The following TMC8 variants were observed in gnomAD, a reference collection of about 807,000 sequenced individuals.
TMC8 encodes transmembrane channel like 8.
A neutral mutation model predicts 76.0 loss-of-function variants in TMC8; 71 were observed. The observed-to-expected ratio is 0.93, with a 90% CI of 0.77 to 1.14. The LOEUF is 1.14. TMC8 is among the 50% of genes most tolerant of loss of function. The pLI, the probability that TMC8 is intolerant of heterozygous loss-of-function variation, is 0.00. For synonymous variants in TMC8, 433 were observed against 433.8 expected, an observed-to-expected ratio of 1.00 and a Z score of 0.02; for missense variants, 924 against 947.9, an observed-to-expected ratio of 0.97 and a Z score of 0.33.
rs117626020 is a variant in TMC8, at chr17:78,137,492, C to G, written c.1251+134C>G. On this transcript the variant is annotated intron_variant, in intron 10 of 15. Transcript: ENST00000318430. ...CTGTGAGCAGGGCTGCCTGCACCGC[C>G]GCACACCTCCAGGGGGCGCCACTGC... 0.038 allele frequency: 56,846 copies of G among 1,493,498 alleles called. 1,393 individuals carry two copies. Among genetic ancestry groups the G allele is most frequent in the South Asian group, 0.086 (7,576 of 87,898 alleles). The allele number at this position is 1,493,498 out of a possible 1,614,324, so 92.5% of individuals were successfully genotyped here.
Position 78,133,899 on chromosome 17 carries a change from C to T in TMC8, c.715C>T (p.Gln239Ter). Reference protein sequence around the residue: ...PQKTLLGQGYQAPLSAKVFSS... With the variant: ...PQKTLLGQGY The stretch of plus-strand genomic sequence containing the variant: ...GAAGACTCTGCTGGGTCAGGGCTAT[C>T]AGGCGCCTCTCAGCGCCAAGGTCTT... Residue 239 changes from glutamine to a stop codon, truncating the protein, a stop_gained, in exon 7 of 16, where the codon CAG becomes TAG. Coordinates refer to ENST00000318430, the MANE Select transcript of TMC8 (RefSeq NM_152468.5). LOFTEE classifies it high-confidence loss of function. The T allele has an allele frequency of 6.2e-7, 1 of 1,613,500 alleles. No individual in the cohort carries two copies. The highest frequency in any genetic ancestry group is 8.5e-7 in the Non-Finnish European group (1 of 1,180,034).
Position 78,137,233 on chromosome 17 carries a change from AGGTGCGT to A in TMC8, c.1132_1138del (p.Val378Ter), listed in dbSNP as rs1304302197. 1.2e-6 allele frequency: 2 copies of A among 1,613,288 alleles called. No individual in the cohort carries two copies. The highest frequency in any genetic ancestry group is 1.7e-6 in the Non-Finnish European group (2 of 1,179,758). On this transcript the variant is annotated splice_acceptor_variant and coding_sequence_variant, in exon 10 of 16. Coordinates refer to ENST00000318430, the MANE Select transcript of TMC8 (RefSeq NM_152468.5). LOFTEE classifies it high-confidence loss of function. ...TCCACCTGACAAGGTCCCTGCCCCC[AGGTGCGT>A]GGTGCTGAAGCTGGCCAGCTTGGGG...
intron 3 of TMC8, 21 bp from the exon 4 acceptor site, chr17:78,132,338 C>CA: frequency 6.2e-7 from 1 of 1,612,286 alleles, no homozygotes; most frequent in South Asian, 1.1e-5. Flanking sequence ...CTCCCTGACC[C>CA]ACCCTGCTCT....
In TMC8 at chr17:78,141,070, C is replaced by T; in HGVS notation, c.2139C>T (p.Ala713=). 1 of 1,590,214 alleles carries T rather than the reference C, an allele frequency of 6.3e-7. No individual in the cohort carries two copies. Among genetic ancestry groups the T allele is most frequent in the Non-Finnish European group, 8.5e-7 (1 of 1,171,226 alleles). Residue 713 remains alanine (A), a synonymous_variant, in exon 16 of 16, where the codon GCC becomes GCT. Transcript: ENST00000318430. ...SPCPGQHGAP[A]SARRFRFPSG... ...GCCCTGGACAGCACGGTGCCCCGGCCTCCGCCCGCAGATTCCGCTTCCCCA... is the reference window on the plus strand; with the variant it reads ...GCCCTGGACAGCACGGTGCCCCGGCTTCCGCCCGCAGATTCCGCTTCCCCA...
chr17:78,140,798 G>T, intron 15 of TMC8, 36 bp from the exon 16 acceptor site: 1 of 1,582,228 alleles, frequency 6.3e-7, no homozygotes, highest in Non-Finnish European at 8.6e-7. Flanking sequence ...GTGGGAAGCA[G>T]CGCCTGTCGC....
In TMC8 at chr17:78,133,424, C is replaced by G; in HGVS notation, c.550C>G (p.Leu184Val). ...LTGRAFTNTYLFYGAYRVGPE... is the reference protein window; with the variant it reads ...LTGRAFTNTYVFYGAYRVGPE... Reference sequence around the variant, plus strand: ...TCCCCAGGCCTTCACCAACACCTATCTCTTCTACGGTGCGTACCGAGTGGG... The same window carrying G: ...TCCCCAGGCCTTCACCAACACCTATGTCTTCTACGGTGCGTACCGAGTGGG... Residue 184 changes from leucine (L) to valine (V), a missense_variant, in exon 6 of 16, where the codon CTC (leucine) becomes GTC (valine). Leu to Val is a conservative substitution (Grantham distance 32, BLOSUM62 1). Transcript: ENST00000318430. 1.2e-6 allele frequency: 2 copies of G among 1,613,844 alleles called. No individual in the cohort carries two copies. The highest frequency in any genetic ancestry group is 1.7e-6 in the Non-Finnish European group (2 of 1,180,038).
rs993271838 is a variant in TMC8 at position 78,131,333 on chromosome 17, T to G, written c.-256T>G. Reference sequence around the variant, plus strand: ...GTCCCTCTGAGAGTTGGAGCGGGGCTGGGCCCGAATTCGACCGCAGCAGGA... The same window carrying G: ...GTCCCTCTGAGAGTTGGAGCGGGGCGGGGCCCGAATTCGACCGCAGCAGGA... On this transcript the variant is annotated 5_prime_UTR_variant, in exon 2 of 16. Transcript: ENST00000318430. The G allele has an allele frequency of 5.1e-6, 3 of 585,954 alleles. No homozygotes were observed. Among genetic ancestry groups the G allele is most frequent in the African/African-American group, 3.8e-5 (2 of 53,280 alleles). The allele number at this position is 585,954 out of a possible 1,614,324, so 36.3% of individuals were successfully genotyped here.
At chr17:78,139,353 G>T in intron 15 of TMC8, 113 bp downstream of exon 15, 1 of 1,203,676 alleles carries the variant, frequency 8.3e-7, no homozygotes. Context: ...CTTCCCACTG[G>T]AGGGCGTGGC....
chr17:78,136,972 C>T, intron 9 of TMC8: 6 of 445,252 alleles, frequency 1.3e-5, no homozygotes, highest in Non-Finnish European at 2.5e-5. Context: ...GGTCACAACA[C>T]TGAACTCCTG....
In TMC8 at chr17:78,135,299, G is replaced by C. The variant is rs551272329; in HGVS notation, c.1127+290G>C. On this transcript the variant is annotated intron_variant, in intron 9 of 15. Coordinates refer to ENST00000318430, the MANE Select transcript of TMC8 (RefSeq NM_152468.5). ...GTGCTGGGAATGGGCTTTGCACACA[G>C]GAAAACCAGCAACACGGGACATGCA... Among the ~76,000 whole-genome samples the C allele has an allele frequency of 1.3e-4, 20 of 152,330 alleles. No individual in the cohort carries two copies. In the South Asian group the frequency reaches 4.1e-3, roughly 32 times the overall value.
chr17:78,139,823 AG>A (rs1286476273), intron 15 of TMC8, among the ~76,000 whole-genome samples: 1 of 151,418 alleles, frequency 6.6e-6, no homozygotes, highest in African/African-American at 2.4e-5. Flanking sequence ...GCCTGAGGTC[AG>A]GGGTTCAAGA....
chr17:78,132,193 C>T, intron 3 of TMC8, 163 bp downstream of exon 3: 1 of 1,385,364 alleles, frequency 7.2e-7, no homozygotes. Context: ...CCGCAAACCT[C>T]GGGCCCACGC....
chr17:78,131,395 G>A lies in TMC8; in HGVS notation c.-194G>A, dbSNP rs1598892373. 1 of 721,924 alleles carries A rather than the reference G, an allele frequency of 1.4e-6. No individual in the cohort carries two copies. Among genetic ancestry groups the A allele is most frequent in the East Asian group, 2.7e-5 (1 of 36,778 alleles). The allele number at this position is 721,924 out of a possible 1,614,324, so 44.7% of individuals were successfully genotyped here. A position where few individuals can be genotyped will look rare whatever the true frequency, so the allele number is the denominator to read the frequency against. On this transcript the variant is annotated 5_prime_UTR_variant, in exon 2 of 16. Transcript: ENST00000318430. ...TTCTGAGCCCCGGAGGTGGCAGAGC[G>A]GCAGACCCGGGCAAGTGAACCCTAG...
intron 15 of TMC8, 109 bp downstream of exon 15, chr17:78,139,349 A>C: frequency 8.0e-7 from 1 of 1,247,390 alleles, no homozygotes; most frequent in Non-Finnish European, 1.1e-6. Flanking sequence ...GGTTCTTCCC[A>C]CTGGAGGGCG....
In TMC8 at chr17:78,133,530, G is replaced by A. The variant is rs756443036; in HGVS notation, c.656G>A (p.Gly219Glu). Residue 219 changes from glycine to glutamate, a missense_variant, in exon 6 of 16, where the codon GGG becomes GAG. Transcript: ENST00000318430. Reference protein sequence around the residue: ...PLACLLLCFCGTLRRMVKGLP... With the variant: ...PLACLLLCFCETLRRMVKGLP... ...GCCTGCCTGCTCCTCTGCTTCTGTG[G>A]GACTCTGCGGCGGTGAGAGCGAGGT... 1 of 1,612,552 alleles carries A rather than the reference G, an allele frequency of 6.2e-7. No homozygotes were observed. Among genetic ancestry groups the A allele is most frequent in the South Asian group, 1.1e-5 (1 of 91,076 alleles).
At chr17:78,132,563 G>C in intron 4 of TMC8, 55 bp downstream of exon 4, 1 of 1,577,076 alleles carries the variant, frequency 6.3e-7, no homozygotes, top group Non-Finnish European at 8.6e-7. Context: ...CGCCATGGGG[G>C]GGCTGGCCCA....
At chr17:78,140,664 G>C (rs1012792943) in intron 15 of TMC8, among the ~76,000 whole-genome samples, 170 bp from the exon 16 acceptor site, 3 of 151,234 alleles carry the variant, frequency 2.0e-5, no homozygotes. Context: ...GTGGGGCGTG[G>C]CCCTGGGAGG....
Position 78,141,011 on chromosome 17 carries a change from T to A in TMC8, c.2080T>A (p.Ser694Thr). Residue 694 changes from serine to threonine, a missense_variant, in exon 16 of 16, where the codon TCC becomes ACC. Transcript: ENST00000318430. ...PGHQAPRPGP[S>T]VVDAAGLRSP... ...CCACCAGGCCCCGCGGCCGGGCCCC[T>A]CCGTCGTGGATGCCGCGGGACTGCG... 1 of 1,597,906 alleles carries A rather than the reference T, an allele frequency of 6.3e-7. No homozygotes were observed.
At chr17:78,137,459 G>A in intron 10 of TMC8, 101 bp downstream of exon 10, 1 of 1,595,058 alleles carries the variant, frequency 6.3e-7, no homozygotes, top group Non-Finnish European at 8.5e-7. Flanking sequence ...AGTCACCTTT[G>A]AGAGAAGCTG....
Sources: allele counts gnomAD v4.1 joint callset (sites outside exome capture counted in the v4.1 genomes callset), GRCh38; gene constraint gnomAD v4.1.1; transcripts MANE v1.5; gene names NCBI Gene and HGNC (gene_info 2026-07-23, HGNC 2026-07-21).